Variants in RANBP2 observed in about 807,000 individuals in gnomAD.
RANBP2 encodes RAN binding protein 2, also known as E3 SUMO-protein ligase RanBP2.
Under a neutral mutation model 303.6 loss-of-function variants are expected in RANBP2, and 57 were observed. That is an observed-to-expected ratio of 0.19 (90% CI 0.15 to 0.23). The LOEUF (loss-of-function observed/expected upper bound fraction) is 0.23. RANBP2 is among the 10% of genes least tolerant of loss of function. The probability of loss-of-function intolerance (pLI) is 1.00; values close to 1 mark genes in which losing one functional copy is unlikely to be tolerated. For missense variants in RANBP2, 3,138 were observed against 3,780.8 expected, an observed-to-expected ratio of 0.83 and a Z score of 4.46; for synonymous variants, 1,167 against 1,301.5, an observed-to-expected ratio of 0.90 and a Z score of 2.23.
the RANBP2 span, among the ~76,000 whole-genome samples, chr2:109,042,654 T>C: frequency 6.6e-6 from 1 of 152,228 alleles, no homozygotes; most frequent in African/African-American, 2.4e-5. Flanking sequence ...TTGTTAGCTC[T>C]CCAAGTCCCT....
At chr2:109,486,097 C>G in the RANBP2 span, among the ~76,000 whole-genome samples, 2 of 152,194 alleles carry the variant, frequency 1.3e-5, no homozygotes, top group Non-Finnish European at 2.9e-5. Context: ...TGTTAGTAAC[C>G]CTCAATAACC....
At chr2:109,029,456 G>A in the RANBP2 span, among the ~76,000 whole-genome samples, 3 of 152,240 alleles carry the variant, frequency 2.0e-5, no homozygotes, top group Non-Finnish European at 4.4e-5. Context: ...ACTGATGCCT[G>A]AAGTTATTGA....
At chr2:109,555,059 G>C in the RANBP2 span, among the ~76,000 whole-genome samples, 3 of 152,046 alleles carry the variant, frequency 2.0e-5, no homozygotes, top group Admixed American at 6.6e-5. Context: ...CTTCACTACT[G>C]CAACAATCTC....
the RANBP2 span, among the ~76,000 whole-genome samples, chr2:109,396,875 C>G: frequency 1.3e-5 from 2 of 152,278 alleles, no homozygotes; most frequent in Non-Finnish European, 2.9e-5. Context: ...CCTTCACTTG[C>G]CTGCTGTGGT....
At chr2:109,345,102 GTC>G in the RANBP2 span, among the ~76,000 whole-genome samples, 4 of 152,178 alleles carry the variant, frequency 2.6e-5, no homozygotes, top group African/African-American at 7.2e-5. Flanking sequence ...GTCTCGCAGT[GTC>G]TCTGTCCTGG....
chr2:108,745,083 A>G (rs1327752735), intron 7 of RANBP2, among the ~76,000 whole-genome samples: 1 of 150,314 alleles, frequency 6.7e-6, no homozygotes, highest in African/African-American at 2.5e-5. Flanking sequence ...TTTTAAAACC[A>G]GGGTCCTAAA....
At chr2:109,128,932 C>CCTCCTTCCTG in the RANBP2 span, 1 of 381,744 alleles carries the variant, frequency 2.6e-6, no homozygotes, top group South Asian at 1.8e-5. Context: ...AGGCACGGCG[C>CCTCCTTCCTG]CTCCTTCCCT....
At chr2:109,135,774 G>T in the RANBP2 span, among the ~76,000 whole-genome samples, 1 of 152,194 alleles carries the variant, frequency 6.6e-6, no homozygotes, top group African/African-American at 2.4e-5. Context: ...CATCTATGCG[G>T]AGTAGTTGCT....
the RANBP2 span, among the ~76,000 whole-genome samples, chr2:109,438,761 A>G: frequency 1.3e-5 from 2 of 152,172 alleles, no homozygotes; most frequent in African/African-American, 2.4e-5. Flanking sequence ...GCAGTTGGCA[A>G]GTGATCTGGT....
At chr2:109,025,435 T>C in the RANBP2 span, among the ~76,000 whole-genome samples, 1 of 152,050 alleles carries the variant, frequency 6.6e-6, no homozygotes, top group African/African-American at 2.4e-5. Flanking sequence ...GTTAGCAGAG[T>C]AGTAAAGATA....
chr2:109,270,319 C>G, the RANBP2 span, among the ~76,000 whole-genome samples: 9 of 152,124 alleles, frequency 5.9e-5, no homozygotes, highest in Non-Finnish European at 1.3e-4. Flanking sequence ...GTTGGAGTGC[C>G]GGGCATGGGG....
chr2:108,736,968 T>C (rs1358325855), intron 6 of RANBP2, among the ~76,000 whole-genome samples: 1 of 149,292 alleles, frequency 6.7e-6, no homozygotes, highest in Non-Finnish European at 1.5e-5. Flanking sequence ...CAGCAGAGAT[T>C]GTATGCCTGT....
the RANBP2 span, among the ~76,000 whole-genome samples, chr2:109,379,534 G>A: frequency 6.6e-6 from 1 of 152,264 alleles, no homozygotes; most frequent in East Asian, 1.9e-4. Context: ...CAGAAGGGAT[G>A]TGAAAGTATG....
the RANBP2 span, among the ~76,000 whole-genome samples, chr2:109,097,549 T>C: frequency 6.6e-6 from 1 of 152,188 alleles, no homozygotes; most frequent in African/African-American, 2.4e-5. Context: ...GAAATTTATT[T>C]TGTGTATAGT....
chr2:109,637,954 T>C, the RANBP2 span, among the ~76,000 whole-genome samples: 1 of 152,168 alleles, frequency 6.6e-6, no homozygotes, highest in Non-Finnish European at 1.5e-5. Flanking sequence ...CAAGACTCCA[T>C]CTCAAAAACC....
At chr2:109,176,270 G>A in the RANBP2 span, among the ~76,000 whole-genome samples, 4 of 152,200 alleles carry the variant, frequency 2.6e-5, no homozygotes, top group Non-Finnish European at 4.4e-5. Flanking sequence ...AAATAGAAAA[G>A]GGTACAGAGG....
chr2:109,229,332 A>G, the RANBP2 span, among the ~76,000 whole-genome samples: 2 of 152,202 alleles, frequency 1.3e-5, no homozygotes, highest in African/African-American at 4.8e-5. Flanking sequence ...TTACATTAGC[A>G]TGGTACTTTT....
At chr2:109,276,300 T>G in the RANBP2 span, among the ~76,000 whole-genome samples, 10 of 152,280 alleles carry the variant, frequency 6.6e-5, no homozygotes, top group Non-Finnish European at 1.2e-4. Context: ...GGGTCACGAT[T>G]AGATGGATAT....
chr2:108,919,542 G>GA, the RANBP2 span, among the ~76,000 whole-genome samples: 1 of 152,146 alleles, frequency 6.6e-6, no homozygotes, highest in African/African-American at 2.4e-5. Flanking sequence ...ATTTTTAGTA[G>GA]AGACGGGTTT....
Sources: gnomAD v4.1 joint callset for allele counts (sites outside exome capture counted in the v4.1 genomes callset) on GRCh38, gnomAD v4.1.1 for gene constraint, MANE v1.5 for transcripts, NCBI Gene and HGNC (gene_info 2026-07-23, HGNC 2026-07-21) for gene names.